Variants in PLCL2 observed in about 807,000 individuals in gnomAD.
The protein encoded by PLCL2 is phospholipase C like 2.
In PLCL2, 4 loss-of-function variants were observed where a neutral mutation model predicts 79.6. The observed-to-expected ratio is 0.05, with a 90% CI of 0.02 to 0.11. PLCL2 has a LOEUF of 0.11. Among genes scored for constraint, PLCL2 ranks in the 10% least tolerant of loss-of-function variants. The probability of loss-of-function intolerance (pLI) is 1.00; values close to 1 mark genes in which losing one functional copy is unlikely to be tolerated. For synonymous variants in PLCL2, 484 were observed against 457.7 expected (o/e 1.06, Z -0.73); for missense variants, 895 against 1,291.0 (o/e 0.69, Z 4.70).
At chr3:16,941,833 T>C (rs78697295) in intron 1 of PLCL2, among the ~76,000 whole-genome samples, 1,736 of 152,002 alleles carry the variant, frequency 0.011, 41 homozygotes, top group African/African-American at 0.039. Context: ...TGTACTTGTA[T>C]ATAGGTGTGG....
At chr3:16,945,082 C>G (rs149547154) in intron 1 of PLCL2, among the ~76,000 whole-genome samples, 1 of 152,136 alleles carries the variant, frequency 6.6e-6, no homozygotes, top group South Asian at 2.1e-4. Flanking sequence ...TTTTAAAGCA[C>G]ACATTGCTGT....
chr3:16,954,266 C>G (rs4685407), intron 1 of PLCL2, among the ~76,000 whole-genome samples: 1 of 151,832 alleles, frequency 6.6e-6, no homozygotes, highest in Non-Finnish European at 1.5e-5. Flanking sequence ...AATGAGTGAG[C>G]ACATGCGGTG....
intron 1 of PLCL2, among the ~76,000 whole-genome samples, chr3:16,949,246 G>A (rs911723494): frequency 2.0e-5 from 3 of 152,040 alleles, no homozygotes; most frequent in South Asian, 2.1e-4. Context: ...TTTCTACTTC[G>A]ATACTGCCAG....
At chr3:17,073,741 G>A (rs2065083886) in intron 5 of PLCL2, among the ~76,000 whole-genome samples, 2 of 152,160 alleles carry the variant, frequency 1.3e-5, no homozygotes, top group Non-Finnish European at 2.9e-5. Flanking sequence ...TTCACCAGGA[G>A]GAGATTCCAT....
At chr3:16,973,360 T>TC (rs1338813894) in intron 1 of PLCL2, among the ~76,000 whole-genome samples, 1 of 151,810 alleles carries the variant, frequency 6.6e-6, no homozygotes, top group East Asian at 1.9e-4. Flanking sequence ...TTTAACTTTT[T>TC]TTTTTTTTTT....
At chr3:16,916,236 A>G (rs1244974426) in intron 1 of PLCL2, among the ~76,000 whole-genome samples, 1 of 152,192 alleles carries the variant, frequency 6.6e-6, no homozygotes, top group Non-Finnish European at 1.5e-5. Context: ...GCCCCTTAAA[A>G]CAATGACTAT....
intron 5 of PLCL2, among the ~76,000 whole-genome samples, chr3:17,070,552 G>A (rs183940038): frequency 2.0e-5 from 3 of 152,082 alleles, no homozygotes; most frequent in African/African-American, 7.2e-5. Context: ...TGTAAGTGAG[G>A]CATGAGGAAG....
At chr3:16,998,245 G>A (rs1482413488) in intron 1 of PLCL2, among the ~76,000 whole-genome samples, 3 of 152,130 alleles carry the variant, frequency 2.0e-5, no homozygotes, top group Non-Finnish European at 4.4e-5. Flanking sequence ...CCAGCACAGT[G>A]TAGGGGAAAG....
At chr3:16,992,007 G>A (rs1480115968) in intron 1 of PLCL2, among the ~76,000 whole-genome samples, 2 of 152,156 alleles carry the variant, frequency 1.3e-5, no homozygotes, top group South Asian at 2.1e-4. Flanking sequence ...ACTCAACTCA[G>A]CAGCCCTGCA....
At chr3:17,074,142 TTAAA>T (rs2065087956) in intron 5 of PLCL2, among the ~76,000 whole-genome samples, 1 of 152,244 alleles carries the variant, frequency 6.6e-6, no homozygotes, top group East Asian at 1.9e-4. Context: ...AATGTATTTC[TTAAA>T]TAATAAAACT....
At chr3:17,067,677 C>T (rs1181043650) in intron 4 of PLCL2, among the ~76,000 whole-genome samples, 1 of 152,192 alleles carries the variant, frequency 6.6e-6, no homozygotes, top group Non-Finnish European at 1.5e-5. Context: ...GCTTGCTGAG[C>T]TTCCCTTCTC....
At chr3:17,044,370 C>T (rs2064760072) in intron 4 of PLCL2, among the ~76,000 whole-genome samples, 2 of 152,172 alleles carry the variant, frequency 1.3e-5, no homozygotes. Flanking sequence ...GCCCTCTCTG[C>T]CAATCTGTAC....
intron 1 of PLCL2, among the ~76,000 whole-genome samples, chr3:16,988,600 G>T (rs2064073608): frequency 6.6e-6 from 1 of 152,082 alleles, no homozygotes; most frequent in Non-Finnish European, 1.5e-5. Flanking sequence ...CAGGTTGAAA[G>T]AAGCTACCAT....
intron 4 of PLCL2, among the ~76,000 whole-genome samples, chr3:17,065,701 G>A (rs924923330): frequency 2.0e-5 from 3 of 152,208 alleles, no homozygotes; most frequent in South Asian, 4.2e-4. Flanking sequence ...AAATCATTGC[G>A]AAGAGCCCAC....
At chr3:17,076,649 C>T (rs534549740) in intron 5 of PLCL2, among the ~76,000 whole-genome samples, 2 of 152,104 alleles carry the variant, frequency 1.3e-5, no homozygotes, top group African/African-American at 4.8e-5. Context: ...ACCACAGGCA[C>T]GTGCTACCAT....
intron 1 of PLCL2, among the ~76,000 whole-genome samples, chr3:17,008,674 TATGACCTG>T (rs1402021462): frequency 3.9e-5 from 6 of 152,104 alleles, no homozygotes; most frequent in Admixed American, 3.9e-4. Flanking sequence ...TTTCATGGTG[TATGACCTG>T]TACAGTTGCA....
intron 1 of PLCL2, among the ~76,000 whole-genome samples, chr3:16,935,576 C>T (rs1044200823): frequency 4.0e-5 from 6 of 151,880 alleles, no homozygotes; most frequent in African/African-American, 9.7e-5. Context: ...TCTTTTTGAT[C>T]GGAATAATAA....
chr3:17,008,254 T>C (rs2064282818), intron 1 of PLCL2, among the ~76,000 whole-genome samples: 1 of 151,148 alleles, frequency 6.6e-6, no homozygotes, highest in South Asian at 2.1e-4. Flanking sequence ...CTCCAACAGC[T>C]ATAATCTAGC....
chr3:16,917,769 C>G (rs552973398), intron 1 of PLCL2, among the ~76,000 whole-genome samples: 1 of 152,256 alleles, frequency 6.6e-6, no homozygotes, highest in East Asian at 1.9e-4. Context: ...CTTTTAGTTA[C>G]AAGTGATTCA....
Sources: gnomAD v4.1 joint callset for allele counts (sites outside exome capture counted in the v4.1 genomes callset) on GRCh38, gnomAD v4.1.1 for gene constraint, MANE v1.5 for transcripts, NCBI Gene and HGNC (gene_info 2026-07-23, HGNC 2026-07-21) for gene names.